Variants in PRKAR1A observed in about 807,000 individuals in gnomAD.
PRKAR1A encodes cAMP-dependent protein kinase type I-alpha regulatory subunit.
PRKAR1A carries 3 observed loss-of-function variants against 52.0 expected under a neutral mutation model. The observed-to-expected ratio is 0.06, with a 90% CI of 0.03 to 0.15. The LOEUF (loss-of-function observed/expected upper bound fraction) is 0.15, where lower values mean the gene tolerates loss of function less well. Among genes scored for constraint, PRKAR1A ranks in the 10% least tolerant of loss-of-function variants. The pLI is 1.00. For missense variants in PRKAR1A, 240 were observed against 477.4 expected, an observed-to-expected ratio of 0.50 and a Z score of 4.63; for synonymous variants, 188 against 168.4, an observed-to-expected ratio of 1.12 and a Z score of -0.90.
At chr17:68,533,949 G>A (rs376728443), downstream of PRKAR1A, among the ~76,000 whole-genome samples, 3 of 152,036 alleles carry the variant, frequency 2.0e-5, no homozygotes, top group South Asian at 2.1e-4. Context: ...GGCTGGTCTC[G>A]AACTCCTAAG....
At position 68,532,445 on chromosome 17, in the gene PRKAR1A, A is replaced by C; in HGVS notation, c.*1996A>C. On this transcript the variant is annotated 3_prime_UTR_variant, in exon 11 of 11. Transcript: ENST00000589228. ...TTACTCCCTTCTGTAGTTTTTAATT[A>C]AAAACTTTAAAGATAAGTCTACATT... 1 of 1,060,886 alleles carries C rather than the reference A, an allele frequency of 9.4e-7. No individual in the cohort carries two copies. Among genetic ancestry groups the C allele is most frequent in the Non-Finnish European group, 1.1e-6 (1 of 875,036 alleles). The allele number at this position is 1,060,886 out of a possible 1,614,324, so 65.7% of individuals were successfully genotyped here. A position where few individuals can be genotyped will look rare whatever the true frequency, so the allele number is the denominator to read the frequency against.
intron 2 of PRKAR1A, among the ~76,000 whole-genome samples, chr17:68,518,139 T>C (rs2085490068): frequency 6.6e-6 from 1 of 152,224 alleles, no homozygotes; most frequent in Admixed American, 6.5e-5. Context: ...TCCTGGCTGC[T>C]TCCATGGGCA....
Position 68,524,807 on chromosome 17 carries a change from C to T in PRKAR1A, c.503-105C>T, listed in dbSNP as rs899532579. On this transcript the variant is annotated intron_variant, in intron 5 of 10. Coordinates refer to ENST00000589228, the MANE Select transcript of PRKAR1A (RefSeq NM_002734.5). ...TGAAAGATTGTGTTAGTTTGTAACA[C>T]ACTCTCACAGTACCACTGTAAAATA... 6 of 868,000 alleles carry T rather than the reference C, an allele frequency of 6.9e-6. No individual in the cohort carries two copies. The African/African-American group carries it at 1.0e-4, about 14-fold the overall frequency. 53.8% of individuals were successfully genotyped at this position (868,000 alleles called of 1,614,324 possible). A position where few individuals can be genotyped will look rare whatever the true frequency, so the allele number is the denominator to read the frequency against.
intron 1 of PRKAR1A, among the ~76,000 whole-genome samples, chr17:68,514,653 G>C (rs189602409): frequency 7.1e-4 from 108 of 152,280 alleles, no homozygotes; most frequent in African/African-American, 2.3e-3. Context: ...CTGTCAAGAT[G>C]AAGAAAATAT....
At chr17:68,426,196 A>C in the PRKAR1A span, 1 of 1,522,440 alleles carries the variant, frequency 6.6e-7, no homozygotes, top group Non-Finnish European at 8.9e-7. Flanking sequence ...AGAAAGAGAC[A>C]TGAAACAAGC....
the PRKAR1A span, chr17:68,421,273 C>A: frequency 6.4e-6 from 1 of 157,182 alleles, no homozygotes; most frequent in Non-Finnish European, 1.4e-5. Context: ...ATATAAAAAC[C>A]TCAAAAATGC....
At chr17:68,421,598 G>A in the PRKAR1A span, 2 of 791,256 alleles carry the variant, frequency 2.5e-6, no homozygotes, top group Admixed American at 2.2e-5. Context: ...TGGCAACCAG[G>A]GTCGTGGGAA....
chr17:68,437,010 A>ATGTGTGTG, the PRKAR1A span, among the ~76,000 whole-genome samples: 6,389 of 77,754 alleles, frequency 0.082, 218 homozygotes, highest in South Asian at 0.24. Context: ...AAAAAAATAT[A>ATGTGTGTG]TATATATGTG....
chr17:68,433,777 T>TTTGTTTTG, the PRKAR1A span, among the ~76,000 whole-genome samples: 1 of 63,616 alleles, frequency 1.6e-5, no homozygotes, highest in African/African-American at 4.9e-5. Flanking sequence ...TTTTTTTTTT[T>TTTGTTTTG]TTTTTTTTTT....
Position 68,530,997 on chromosome 17 carries a change from T to A in PRKAR1A, c.*548T>A, listed in dbSNP as rs998547091. The A allele has an allele frequency of 9.3e-7, 1 of 1,077,896 alleles. No homozygotes were observed. The highest frequency in any genetic ancestry group is 4.8e-5 in the East Asian group (1 of 20,998). The allele number at this position is 1,077,896 out of a possible 1,614,324, so 66.8% of individuals were successfully genotyped here. On this transcript the variant is annotated 3_prime_UTR_variant, in exon 11 of 11. Transcript: ENST00000589228. Reference sequence around the variant, plus strand: ...AGGGTGGAAAAATGCCCATTTTTGCTAATTATCAATGGGATATGATTGGTT... The same window carrying A: ...AGGGTGGAAAAATGCCCATTTTTGCAAATTATCAATGGGATATGATTGGTT...
intron 1 of PRKAR1A, chr17:68,515,089 G>A (rs1380307044): frequency 5.2e-6 from 2 of 382,432 alleles, no homozygotes; most frequent in Non-Finnish European, 9.8e-6. Context: ...ATTCCCTTAA[G>A]GGCCTGACTT....
the PRKAR1A span, chr17:68,434,774 T>C: frequency 6.7e-6 from 5 of 745,928 alleles, no homozygotes; most frequent in South Asian, 5.6e-5. Context: ...TGTTTATTTA[T>C]GTGCCATATC....
At position 68,542,120 on chromosome 17, in the gene PRKAR1A, G is replaced by A. The variant is rs770620515; in HGVS notation, c.974-8964G>A. On this transcript the variant is annotated intron_variant, in intron 11 of 11. Coordinates refer to the PRKAR1A transcript ENST00000585981. ...TGGGTTGCCACAGACAGCATACTCC[G>A]TCTTGCACATGTATGGACACTTGGC... 13 of 1,614,114 alleles carry A rather than the reference G, an allele frequency of 8.1e-6. No individual in the cohort carries two copies. The East Asian group carries it at 1.3e-4, about 17-fold the overall frequency.
At chr17:68,486,809 G>A in the PRKAR1A span, among the ~76,000 whole-genome samples, 1 of 151,670 alleles carries the variant, frequency 6.6e-6, no homozygotes, top group African/African-American at 2.4e-5. Flanking sequence ...TAATATGCCT[G>A]TGCCTCAGGT....
Position 68,515,798 on chromosome 17 carries a change from T to G in PRKAR1A, c.177+222T>G, listed in dbSNP as rs2085413977. 1.9e-5 allele frequency: 11 copies of G among 590,144 alleles called. No individual in the cohort carries two copies. The South Asian group carries it at 2.2e-4, about 12-fold the overall frequency. The allele number at this position is 590,144 out of a possible 1,614,324, so 36.6% of individuals were successfully genotyped here. A position where few individuals can be genotyped will look rare whatever the true frequency, so the allele number is the denominator to read the frequency against. On this transcript the variant is annotated intron_variant, in intron 2 of 10. Transcript: ENST00000589228. ...AATGAACCTGTATGCTAACTGTACT[T>G]GGCTAATAAAGGGTTTCCAAACAAT...
At chr17:68,468,954 C>T in the PRKAR1A span, among the ~76,000 whole-genome samples, 7,643 of 152,206 alleles carry the variant, frequency 0.05, 322 homozygotes, top group Non-Finnish European at 0.074. Flanking sequence ...TTAAGTCAGC[C>T]TCTATCTATA....
upstream of PRKAR1A, among the ~76,000 whole-genome samples, chr17:68,509,212 G>T (rs1283204023): frequency 6.6e-6 from 1 of 152,184 alleles, no homozygotes; most frequent in Non-Finnish European, 1.5e-5. Flanking sequence ...TGAGTGGGAA[G>T]GTCTTGCTGT....
rs1555819204 is a variant in PRKAR1A, at chr17:68,540,805, T to C, written c.974-10279T>C. On this transcript the variant is annotated intron_variant, in intron 11 of 11. Transcript: ENST00000585981. Reference sequence around the variant, plus strand: ...AAGGTCACGGGGAACCCTAGCCACATAGCAGAGCCCACTTCTGCTGGGGGC... The same window carrying C: ...AAGGTCACGGGGAACCCTAGCCACACAGCAGAGCCCACTTCTGCTGGGGGC... The C allele has an allele frequency of 3.9e-5, 61 of 1,560,840 alleles. No individual in the cohort carries two copies. The East Asian group carries it at 1.2e-3, about 32-fold the overall frequency.
chr17:68,475,307 A>G, the PRKAR1A span, among the ~76,000 whole-genome samples: 1 of 152,270 alleles, frequency 6.6e-6, no homozygotes, highest in African/African-American at 2.4e-5. Context: ...CATTGTAGTT[A>G]AATGGGTGAA....
Sources: gnomAD v4.1 joint callset for allele counts (sites outside exome capture counted in the v4.1 genomes callset) on GRCh38, gnomAD v4.1.1 for gene constraint, MANE v1.5 for transcripts, NCBI Gene and HGNC (gene_info 2026-07-23, HGNC 2026-07-21) for gene names.